SV2C: variants seen among roughly 807,000 people sequenced by gnomAD.
The protein encoded by SV2C is solute carrier family 22 member B3.
SV2C carries 49 observed loss-of-function variants against 79.7 expected under a neutral mutation model. The observed-to-expected ratio is 0.61, with a 90% CI of 0.49 to 0.78. The LOEUF is 0.78. Ranked by LOEUF, SV2C falls within the 30% of genes least tolerant of loss-of-function variation. The probability of loss-of-function intolerance (pLI) is 0.00; values close to 1 mark genes in which losing one functional copy is unlikely to be tolerated. For missense variants in SV2C, 833 were observed against 912.9 expected (o/e 0.91, Z 1.13); for synonymous variants, 334 against 333.2 (o/e 1.00, Z -0.03).
chr5:75,861,710 C>T, the SV2C span, among the ~76,000 whole-genome samples: 1 of 152,144 alleles, frequency 6.6e-6, no homozygotes, highest in Non-Finnish European at 1.5e-5. Context: ...TGAATTAATG[C>T]AGGAACAGAA....
the SV2C span, among the ~76,000 whole-genome samples, chr5:75,999,335 AAGAG>A: frequency 7.1e-6 from 1 of 141,840 alleles, no homozygotes; most frequent in African/African-American, 2.6e-5. Context: ...TATATATAGG[AAGAG>A]AGAGAGAGAA....
the SV2C span, among the ~76,000 whole-genome samples, chr5:76,055,341 T>G: frequency 6.6e-6 from 1 of 152,230 alleles, no homozygotes; most frequent in East Asian, 1.9e-4. Context: ...GGTCTCTGTT[T>G]TGTTCCATTG....
intron 4 of SV2C, among the ~76,000 whole-genome samples, chr5:76,219,415 A>G (rs2112373859): frequency 6.6e-6 from 1 of 152,320 alleles, no homozygotes; most frequent in Middle Eastern, 3.4e-3. Flanking sequence ...ATAAACATTG[A>G]TGATATAGTC....
chr5:76,091,429 C>T (rs1162776261), intron 1 of SV2C, among the ~76,000 whole-genome samples: 2 of 152,208 alleles, frequency 1.3e-5, no homozygotes, highest in South Asian at 4.1e-4. Flanking sequence ...GCAGCAACAT[C>T]ACCACAGTGT....
the SV2C span, among the ~76,000 whole-genome samples, chr5:76,070,573 T>C: frequency 6.6e-6 from 1 of 152,210 alleles, no homozygotes; most frequent in South Asian, 2.1e-4. Context: ...CCCACTTATC[T>C]TTGAACACTG....
chr5:76,054,810 T>C, the SV2C span, among the ~76,000 whole-genome samples: 1 of 152,228 alleles, frequency 6.6e-6, no homozygotes, highest in East Asian at 1.9e-4. Flanking sequence ...AAGTGTCTGT[T>C]CATATCCTTT....
chr5:76,141,004 A>G (rs976099274), intron 2 of SV2C, among the ~76,000 whole-genome samples: 1 of 152,202 alleles, frequency 6.6e-6, no homozygotes, highest in Non-Finnish European at 1.5e-5. Context: ...TCATTATTGC[A>G]AAATTGGAAA....
the SV2C span, among the ~76,000 whole-genome samples, chr5:75,988,370 A>G: frequency 1.3e-5 from 2 of 151,968 alleles, no homozygotes; most frequent in Admixed American, 6.6e-5. Flanking sequence ...GAACATATTT[A>G]TATGTCACTT....
chr5:76,059,641 G>C, the SV2C span, among the ~76,000 whole-genome samples: 1 of 151,888 alleles, frequency 6.6e-6, no homozygotes, highest in South Asian at 2.1e-4. Flanking sequence ...TTCCTCCATT[G>C]AAGTCTCGAA....
the SV2C span, among the ~76,000 whole-genome samples, chr5:75,970,694 C>CA: frequency 2.0e-5 from 3 of 152,002 alleles, no homozygotes; most frequent in Admixed American, 6.5e-5. Context: ...AGCTTACCAA[C>CA]CAAAAAAAGT....
intron 9 of SV2C, among the ~76,000 whole-genome samples, chr5:76,296,987 T>C (rs771376006): frequency 1.4e-4 from 21 of 152,208 alleles, no homozygotes; most frequent in Non-Finnish European, 2.9e-4. Context: ...AAAGTATTGT[T>C]ACTCCATTAG....
intron 4 of SV2C, among the ~76,000 whole-genome samples, chr5:76,218,225 A>G (rs1332058868): frequency 6.6e-6 from 1 of 152,196 alleles, no homozygotes; most frequent in Non-Finnish European, 1.5e-5. Flanking sequence ...AGTATGACCT[A>G]ATACAATTGC....
chr5:75,865,578 G>A, the SV2C span, among the ~76,000 whole-genome samples: 36,788 of 152,108 alleles, frequency 0.24, 6,656 homozygotes, highest in African/African-American at 0.51. Flanking sequence ...TCTACTTTGC[G>A]TGGAAGGAGA....
At chr5:75,923,270 A>C in the SV2C span, among the ~76,000 whole-genome samples, 1 of 152,348 alleles carries the variant, frequency 6.6e-6, no homozygotes, top group South Asian at 2.1e-4. Context: ...AATCAACTCG[A>C]GAAGGATCAA....
chr5:76,111,117 T>C lies in SV2C; in HGVS notation c.-101-20533T>C, dbSNP rs150976163. ...TCCCTGAAAATCCAAGGGCTGGGAG[T>C]TGAATATTGCCTATATTAGAATCTC... On this transcript the variant is annotated intron_variant, in intron 1 of 12. Transcript: ENST00000502798. 2.8e-3 allele frequency among the ~76,000 whole-genome samples: 432 copies of C among 152,206 alleles called. 1 individual carries two copies. The highest frequency in any genetic ancestry group is 4.2e-3 in the Non-Finnish European group (288 of 68,004).
At chr5:76,205,949 A>AG (rs1379795133) in intron 3 of SV2C, among the ~76,000 whole-genome samples, 2 of 152,176 alleles carry the variant, frequency 1.3e-5, no homozygotes, top group African/African-American at 4.8e-5. Flanking sequence ...ATCTTCAGGG[A>AG]GCAAAGAGGA....
intron 8 of SV2C, among the ~76,000 whole-genome samples, chr5:76,293,022 A>C (rs953224220): frequency 1.3e-5 from 2 of 152,206 alleles, no homozygotes; most frequent in African/African-American, 4.8e-5. Flanking sequence ...ACTCTTTCTT[A>C]GTGCCTGAGG....
chr5:76,214,878 C>G (rs1744870427), intron 4 of SV2C, among the ~76,000 whole-genome samples: 1 of 152,130 alleles, frequency 6.6e-6, no homozygotes, highest in Non-Finnish European at 1.5e-5. Context: ...TGTATGCTGT[C>G]ACGTTGCTGA....
Position 76,155,565 on chromosome 5 carries a change from C to A in SV2C, c.580+23235C>A, listed in dbSNP as rs114853272. Among the ~76,000 whole-genome samples the A allele has an allele frequency of 8.0e-3, 1,215 of 152,204 alleles. 17 individuals are homozygous for A. The highest frequency in any genetic ancestry group is 0.028 in the African/African-American group (1,162 of 41,530). ...AGACTAAGTTCCAGGCAAGTGCAGC[C>A]CAGAGGTGTGGGGTTCTTTCTTTCA... is the stretch of plus-strand genomic sequence containing the variant. On this transcript the variant is annotated intron_variant, in intron 2 of 12. Transcript: ENST00000502798.
Sources: gnomAD v4.1 joint callset for allele counts (sites outside exome capture counted in the v4.1 genomes callset) on GRCh38, gnomAD v4.1.1 for gene constraint, MANE v1.5 for transcripts, NCBI Gene and HGNC (gene_info 2026-07-23, HGNC 2026-07-21) for gene names.